ACOT1: variants seen among roughly 807,000 people sequenced by gnomAD.
ACOT1 encodes the protein acyl-coenzyme A thioesterase 1.
In ACOT1, 8 loss-of-function variants were observed where a neutral mutation model predicts 15.7. The ratio of observed to expected loss-of-function variants is 0.51; its 90% confidence interval spans 0.30 to 0.92. The LOEUF (loss-of-function observed/expected upper bound fraction) is 0.92, where lower values mean the gene tolerates loss of function less well. Ranked by LOEUF, ACOT1 falls within the 40% of genes least tolerant of loss-of-function variation. The pLI is 0.06. For missense variants in ACOT1, 151 were observed against 539.4 expected (o/e 0.28, Z 7.13); for synonymous variants, 67 against 241.2 (o/e 0.28, Z 6.69).
chr14:73,515,246 C>T, the ACOT1 span, among the ~76,000 whole-genome samples: 1 of 152,172 alleles, frequency 6.6e-6, no homozygotes, highest in African/African-American at 2.4e-5. Flanking sequence ...CTATTAGTCT[C>T]ATGTTCTAAT....
At chr14:73,519,169 AACAG>A in the ACOT1 span, 28 of 1,609,602 alleles carry the variant, frequency 1.7e-5, no homozygotes, top group East Asian at 6.7e-5. Flanking sequence ...TTCATCTGTG[AACAG>A]ACAAAGAAAC....
the ACOT1 span, among the ~76,000 whole-genome samples, chr14:73,514,840 G>A: frequency 6.6e-6 from 1 of 152,042 alleles, no homozygotes; most frequent in Non-Finnish European, 1.5e-5. Flanking sequence ...AGGCCGAGGC[G>A]AGCAGATCAC....
the ACOT1 span, among the ~76,000 whole-genome samples, chr14:73,524,310 A>AAAAAAAAATATATATATATATAT: frequency 1.8e-5 from 1 of 54,788 alleles, no homozygotes; most frequent in African/African-American, 8.8e-5. Flanking sequence ...AAAAAAAAAA[A>AAAAAAAAATATATATATATATAT]ATATATATAT....
Position 73,543,634 on chromosome 14 carries a change from GA to G in ACOT1, c.1246del (p.Thr416GlnfsTer18). Reference protein sequence around the residue: ...FHKHLGGHEGTIPSKV With the variant: ...FHKHLGGHEGXIPSKV ...ACAAACACTTGGGTGGCCACGAGGG[GA>G]CAATCCCATCAAAAGTGTAAATTTT... is the stretch of plus-strand genomic sequence containing the variant. On this transcript the variant is annotated frameshift_variant, in exon 3 of 3. Coordinates refer to ENST00000311148, the MANE Select transcript of ACOT1 (RefSeq NM_001037161.2). LOFTEE classifies it low-confidence loss of function (END_TRUNC). 1.3e-6 allele frequency: 1 copy of G among 783,062 alleles called. No homozygotes were observed. The highest frequency in any genetic ancestry group is 1.8e-6 in the Non-Finnish European group (1 of 549,276). 48.5% of individuals were successfully genotyped at this position (783,062 alleles called of 1,614,324 possible).
the ACOT1 span, among the ~76,000 whole-genome samples, chr14:73,500,236 A>C: frequency 2.0e-5 from 3 of 152,028 alleles, no homozygotes; most frequent in African/African-American, 7.2e-5. Flanking sequence ...TCTCAAAACA[A>C]ACAAACAAAC....
At chr14:73,539,814 C>T (rs2140312310) in intron 1 of ACOT1, 1 of 116,162 alleles carries the variant, frequency 8.6e-6, no homozygotes, top group South Asian at 2.7e-4. Context: ...TCTCGGGATC[C>T]TAGGGGTATG....
chr14:73,520,826 C>T, the ACOT1 span: 33 of 1,603,210 alleles, frequency 2.1e-5, no homozygotes, highest in East Asian at 3.1e-4. Flanking sequence ...CCGTGTGCCC[C>T]TACCACAGGG....
At chr14:73,524,310 A>AAAATAT in the ACOT1 span, among the ~76,000 whole-genome samples, 80 of 54,760 alleles carry the variant, frequency 1.5e-3, 2 homozygotes, top group South Asian at 3.2e-3. Flanking sequence ...AAAAAAAAAA[A>AAAATAT]ATATATATAT....
At chr14:73,520,938 G>T in the ACOT1 span, 1 of 1,614,022 alleles carries the variant, frequency 6.2e-7, no homozygotes, top group Non-Finnish European at 8.5e-7. Context: ...GTAGCTCTGG[G>T]TTTGGGGCTG....
the ACOT1 span, among the ~76,000 whole-genome samples, chr14:73,524,869 A>G: frequency 2.0e-5 from 3 of 152,048 alleles, no homozygotes; most frequent in Admixed American, 1.3e-4. Context: ...CAAGGTGCCC[A>G]TGCAGACCAG....
chr14:73,512,863 C>T, the ACOT1 span, among the ~76,000 whole-genome samples: 1 of 152,120 alleles, frequency 6.6e-6, no homozygotes, highest in Non-Finnish European at 1.5e-5. Flanking sequence ...TAATGGATTG[C>T]CTCTCTTTTT....
chr14:73,529,822 G>T, the ACOT1 span, among the ~76,000 whole-genome samples: 2 of 151,094 alleles, frequency 1.3e-5, no homozygotes, highest in African/African-American at 4.9e-5. Flanking sequence ...AAAGCAATAA[G>T]CCTTAGTATC....
At chr14:73,491,657 C>G in the ACOT1 span, 2 of 1,549,790 alleles carry the variant, frequency 1.3e-6, no homozygotes, top group Middle Eastern at 1.8e-4. Flanking sequence ...CGCGCCCATG[C>G]CGCCAGATCA....
the ACOT1 span, among the ~76,000 whole-genome samples, chr14:73,506,834 G>GTTTTTTTTTTTT: frequency 3.7e-5 from 2 of 54,558 alleles, no homozygotes; most frequent in African/African-American, 9.2e-5. Flanking sequence ...TTCTGAGAAG[G>GTTTTTTTTTTTT]TTGTCCCCCA....
the ACOT1 span, among the ~76,000 whole-genome samples, chr14:73,501,005 C>T: frequency 6.6e-6 from 1 of 152,250 alleles, no homozygotes; most frequent in Non-Finnish European, 1.5e-5. Flanking sequence ...CCTCTTTTCA[C>T]AGTCAAGTTC....
the ACOT1 span, chr14:73,511,998 G>A: frequency 1.2e-6 from 2 of 1,613,672 alleles, no homozygotes; most frequent in African/African-American, 2.7e-5. Context: ...TTCAGCTTTG[G>A]CTCTCACCTG....
chr14:73,532,404 TTACAGA>T (rs1393364111), upstream of ACOT1, among the ~76,000 whole-genome samples: 1 of 116,372 alleles, frequency 8.6e-6, no homozygotes, highest in African/African-American at 2.8e-5. Flanking sequence ...CATAGAAGTC[TTACAGA>T]TACAGAAATT....
the ACOT1 span, among the ~76,000 whole-genome samples, chr14:73,497,623 A>T: frequency 6.6e-6 from 1 of 151,910 alleles, no homozygotes; most frequent in Non-Finnish European, 1.5e-5. Context: ...GAATAACTTA[A>T]AACCCATCCT....
chr14:73,505,505 T>G, the ACOT1 span, among the ~76,000 whole-genome samples: 2 of 152,106 alleles, frequency 1.3e-5, no homozygotes, highest in Non-Finnish European at 1.5e-5. Context: ...CAAGCAATTC[T>G]TGTGCCTCAG....
Sources: allele counts gnomAD v4.1 joint callset (sites outside exome capture counted in the v4.1 genomes callset), GRCh38; gene constraint gnomAD v4.1.1; transcripts MANE v1.5; gene names NCBI Gene and HGNC (gene_info 2026-07-23, HGNC 2026-07-21).